The following ANKRD22 variants were observed in gnomAD, a reference collection of about 807,000 sequenced individuals.
ANKRD22 encodes ankyrin repeat domain-containing protein 22.
ANKRD22 carries 24 observed loss-of-function variants against 25.7 expected under a neutral mutation model. That is an observed-to-expected ratio of 0.93 (90% CI 0.68 to 1.31). The LOEUF (loss-of-function observed/expected upper bound fraction) is 1.31, where lower values mean the gene tolerates loss of function less well. Among genes scored for constraint, ANKRD22 ranks in the 50% most tolerant of loss-of-function variants. The pLI is 0.00. For missense variants in ANKRD22, 214 were observed against 227.1 expected (o/e 0.94, Z 0.37); for synonymous variants, 84 against 84.3 (o/e 1.00, Z 0.02).
intron 3 of ANKRD22, among the ~76,000 whole-genome samples, chr10:88,826,476 C>T (rs975601574): frequency 6.6e-6 from 1 of 152,224 alleles, no homozygotes; most frequent in Admixed American, 6.5e-5. Context: ...GTAAACTCTT[C>T]AGCATGACCT....
chr10:88,828,701 G>A (rs1843878190), intron 2 of ANKRD22, 35 bp from the exon 3 acceptor site: 1 of 1,462,232 alleles, frequency 6.8e-7, no homozygotes. Flanking sequence ...TACTAATAAA[G>A]CATTTCAATT....
intron 1 of ANKRD22, among the ~76,000 whole-genome samples, chr10:88,846,972 T>C (rs1844054756): frequency 6.6e-6 from 1 of 152,160 alleles, no homozygotes; most frequent in Non-Finnish European, 1.5e-5. Flanking sequence ...TAATGCCATG[T>C]TTTTTCTTAA....
chr10:88,828,335 T>C (rs1464083064), intron 3 of ANKRD22, among the ~76,000 whole-genome samples: 2 of 152,240 alleles, frequency 1.3e-5, no homozygotes, highest in African/African-American at 4.8e-5. Flanking sequence ...TAAATCAACA[T>C]TGCATGGATT....
chr10:88,824,349 G>T (rs536137726), intron 4 of ANKRD22, among the ~76,000 whole-genome samples: 2 of 152,246 alleles, frequency 1.3e-5, no homozygotes, highest in Admixed American at 6.5e-5. Context: ...AGTACCTTTG[G>T]CTATCAAGAC....
chr10:88,836,722 G>T (rs1174548386), intron 1 of ANKRD22, among the ~76,000 whole-genome samples: 1 of 152,146 alleles, frequency 6.6e-6, no homozygotes. Flanking sequence ...TGACTTGCTG[G>T]TTATACTGGT....
intron 2 of ANKRD22, among the ~76,000 whole-genome samples, chr10:88,830,028 A>G (rs545165557): frequency 5.9e-4 from 90 of 152,300 alleles, no homozygotes; most frequent in African/African-American, 2.2e-3. Flanking sequence ...GTCTCAAACT[A>G]TCCTTCCACC....
chr10:88,820,590 T>G lies in ANKRD22; in HGVS notation c.*2351A>C. ...AGAATTACGGAGAGCAGAGACCTAG[T>G]ATACATTTTTCAGATTCCCTGCACT... On this transcript the variant is annotated 3_prime_UTR_variant, in exon 6 of 6. Transcript: ENST00000371930. 1 of 1,297,378 alleles carries G rather than the reference T, an allele frequency of 7.7e-7. No homozygotes were observed. The highest frequency in any genetic ancestry group is 1.0e-6 in the Non-Finnish European group (1 of 969,984). 80.4% of individuals were successfully genotyped at this position (1,297,378 alleles called of 1,614,324 possible).
At chr10:88,832,896 C>T (rs541418114) in intron 1 of ANKRD22, among the ~76,000 whole-genome samples, 2 of 152,298 alleles carry the variant, frequency 1.3e-5, no homozygotes, top group African/African-American at 2.4e-5. Flanking sequence ...TCCATCTGGG[C>T]TTCTGCCCTG....
At chr10:88,836,216 C>T (rs1403298326) in intron 1 of ANKRD22, among the ~76,000 whole-genome samples, 4 of 152,176 alleles carry the variant, frequency 2.6e-5, no homozygotes, top group Non-Finnish European at 4.4e-5. Flanking sequence ...GTGTTATTAA[C>T]AGCCATCTCC....
rs528350564 is a variant in ANKRD22 at position 88,822,934 on chromosome 10, A to T, written c.*7T>A. 351 of 1,604,662 alleles carry T rather than the reference A, an allele frequency of 2.2e-4. 3 individuals carry two copies. The South Asian group carries it at 3.7e-3, about 17-fold the overall frequency. ...TTTCTGTATCTCCATCGGTGTGGTC[A>T]CAAGGATTACAATGCTTTCCTTAGC... On this transcript the variant is annotated 3_prime_UTR_variant, in exon 6 of 6. Coordinates refer to ENST00000371930, the MANE Select transcript of ANKRD22 (RefSeq NM_144590.3).
rs1364957959 is a variant in ANKRD22, at chr10:88,820,248, A to G, written c.*2693T>C. ...TTTCTCTAGCCAACTCCTGTAAGGT[A>G]CAGAGTCAGAGATATGACGGTCCCT... On this transcript the variant is annotated 3_prime_UTR_variant, in exon 6 of 6. Transcript: ENST00000371930. The G allele has an allele frequency of 6.4e-7, 1 of 1,551,336 alleles. No individual in the cohort carries two copies. The highest frequency in any genetic ancestry group is 8.7e-7 in the Non-Finnish European group (1 of 1,146,946).
intron 3 of ANKRD22, among the ~76,000 whole-genome samples, chr10:88,826,636 A>G (rs1302893949): frequency 1.3e-5 from 2 of 152,200 alleles, no homozygotes; most frequent in African/African-American, 4.8e-5. Flanking sequence ...CCTTCTGCCT[A>G]GAAGCCTCCT....
In ANKRD22 at chr10:88,828,627, AT is replaced by A; in HGVS notation, c.252del (p.Lys84AsnfsTer9). 1.9e-6 allele frequency: 3 copies of A among 1,610,376 alleles called. No homozygotes were observed. ...ATTAGTAGATAATCAATGAAGGTAA[AT>A]TTTTTCTTCACAGCATAATGCAAGC... ...RTCLHYAVKK[K>X]FTFIDYLLII... is the part of the protein sequence containing the mutation. On this transcript the variant is annotated frameshift_variant, in exon 3 of 6. Transcript: ENST00000371930. LOFTEE classifies it high-confidence loss of function.
rs146284825 is a variant in ANKRD22, at chr10:88,844,480, C to T, written c.21+7107G>A. 6.3e-3 allele frequency among the ~76,000 whole-genome samples: 961 copies of T among 152,062 alleles called. 12 individuals are homozygous for T. Among genetic ancestry groups the T allele is most frequent in the African/African-American group, 0.021 (873 of 41,492 alleles). Reference sequence around the variant, plus strand: ...ACTTTATGGGTTTCCAAATAGTAAACGCCTCCCATTCTCATCTCTTTTTCA... The same window carrying T: ...ACTTTATGGGTTTCCAAATAGTAAATGCCTCCCATTCTCATCTCTTTTTCA... On this transcript the variant is annotated intron_variant, in intron 1 of 5. Coordinates refer to ENST00000371930, the MANE Select transcript of ANKRD22 (RefSeq NM_144590.3).
At chr10:88,834,442 T>G (rs1043979851) in intron 1 of ANKRD22, among the ~76,000 whole-genome samples, 1 of 152,214 alleles carries the variant, frequency 6.6e-6, no homozygotes, top group African/African-American at 2.4e-5. Context: ...CATAAACTAG[T>G]GAAAATTTAA....
chr10:88,836,786 G>A (rs1217912350), intron 1 of ANKRD22, among the ~76,000 whole-genome samples: 1 of 152,144 alleles, frequency 6.6e-6, no homozygotes, highest in Non-Finnish European at 1.5e-5. Context: ...TATCCACCAA[G>A]AGATAAGAAG....
At chr10:88,840,206 T>C (rs952382872) in intron 1 of ANKRD22, among the ~76,000 whole-genome samples, 1 of 152,174 alleles carries the variant, frequency 6.6e-6, no homozygotes. Context: ...TTCACTTCCA[T>C]CTTACTTGCC....
In ANKRD22 at chr10:88,823,473, AG is replaced by A. The variant is rs941748250; in HGVS notation, c.400-96del. ...TTGGCAAATCCTTTTCACACTTTGT[AG>A]TATACAACTAAGCAGAAAAATAGTC... On this transcript the variant is annotated intron_variant, in intron 4 of 5. Coordinates refer to ENST00000371930, the MANE Select transcript of ANKRD22 (RefSeq NM_144590.3). The A allele has an allele frequency of 7.9e-6, 7 of 887,150 alleles. No individual in the cohort carries two copies. The African/African-American group carries it at 1.2e-4, about 15-fold the overall frequency. The allele number at this position is 887,150 out of a possible 1,614,324, so 55.0% of individuals were successfully genotyped here. A position where few individuals can be genotyped will look rare whatever the true frequency, so the allele number is the denominator to read the frequency against.
chr10:88,841,648 A>C (rs1474456464), intron 1 of ANKRD22, among the ~76,000 whole-genome samples: 1 of 152,166 alleles, frequency 6.6e-6, no homozygotes, highest in Non-Finnish European at 1.5e-5. Context: ...ATCCATTTAG[A>C]CCTCATAAGT....
Sources: allele counts gnomAD v4.1 joint callset (sites outside exome capture counted in the v4.1 genomes callset), GRCh38; gene constraint gnomAD v4.1.1; transcripts MANE v1.5; gene names NCBI Gene and HGNC (gene_info 2026-07-23, HGNC 2026-07-21).